The following TIAM1 variants were observed in gnomAD, a reference collection of about 807,000 sequenced individuals.
The protein encoded by TIAM1 is TIAM Rac1 associated GEF 1, also known as rho guanine nucleotide exchange factor TIAM1.
Under a neutral mutation model 163.5 loss-of-function variants are expected in TIAM1, and 65 were observed. The ratio of observed to expected loss-of-function variants is 0.40; its 90% CI spans 0.33 to 0.49. TIAM1 has a LOEUF of 0.49. TIAM1 is among the 20% of genes least tolerant of loss of function. TIAM1 has a pLI of 0.77. For synonymous variants in TIAM1, 833 were observed against 810.1 expected (o/e 1.03, Z -0.48); for missense variants, 1,789 against 2,044.7 (o/e 0.87, Z 2.41).
chr21:31,193,107 A>G lies in TIAM1; in HGVS notation c.2575+2117T>C, dbSNP rs567779259. ...AAGCCATACAGTGTAATGCTAAGTA[A>G]AGAAGACTGGTCTTAAACATATGGA... is the stretch of plus-strand genomic sequence containing the variant. On this transcript the variant is annotated intron_variant, in intron 13 of 27. Coordinates refer to ENST00000541036, the MANE Select transcript of TIAM1 (RefSeq NM_001353694.2). 3.9e-5 allele frequency among the ~76,000 whole-genome samples: 6 copies of G among 152,348 alleles called. No homozygotes were observed. In the South Asian group the frequency reaches 1.2e-3, roughly 32 times the overall value.
At chr21:31,242,766 T>C (rs1601675926) in intron 6 of TIAM1, among the ~76,000 whole-genome samples, 1 of 150,630 alleles carries the variant, frequency 6.6e-6, no homozygotes, top group Non-Finnish European at 1.5e-5. Context: ...TCTATTGACA[T>C]TCTAGTAGTC....
chr21:31,397,148 T>C (rs117547138), intron 2 of TIAM1, among the ~76,000 whole-genome samples: 2,154 of 152,216 alleles, frequency 0.014, 22 homozygotes, highest in Non-Finnish European at 0.021. Context: ...AGATGTAACA[T>C]CAAAGAGGTA....
At chr21:31,452,783 C>G (rs1233096171) in intron 2 of TIAM1, 8 of 526,960 alleles carry the variant, frequency 1.5e-5, no homozygotes, top group East Asian at 5.5e-5. Flanking sequence ...CTGAGGAAGA[C>G]AGCAATCATG....
At chr21:31,511,309 T>C (rs762085402) in intron 1 of TIAM1, among the ~76,000 whole-genome samples, 2 of 152,210 alleles carry the variant, frequency 1.3e-5, no homozygotes, top group African/African-American at 4.8e-5. Flanking sequence ...TAGCCATACA[T>C]AGAAAGCCTC....
chr21:31,297,842 G>A lies in TIAM1; in HGVS notation c.-188-20934C>T, dbSNP rs1283906167. 6.6e-5 allele frequency among the ~76,000 whole-genome samples: 10 copies of A among 152,252 alleles called. No homozygotes were observed. The East Asian group carries it at 1.7e-3, about 27-fold the overall frequency. On this transcript the variant is annotated intron_variant, in intron 2 of 27. Transcript: ENST00000541036. Reference sequence around the variant, plus strand: ...CTCAGAGGGCTATGAAGAGGGAGGGGTGCAACTTAATGAAATTCTTTATGA... The same window carrying A: ...CTCAGAGGGCTATGAAGAGGGAGGGATGCAACTTAATGAAATTCTTTATGA...
rs146755739 is a variant in TIAM1 at position 31,395,722 on chromosome 21, C to G, written c.-368-56300G>C. On this transcript the variant is annotated intron_variant, in intron 2 of 28. Transcript: ENST00000286827. The surrounding 1 kb of genome is among the most constrained non-coding windows in gnomAD (Gnocchi z 7.5). Reference sequence around the variant, plus strand: ...GGAGGGGGCGCATGCGTTCCCCTGGCTGTCGCGTGAAAATTTTTGCTTTAT... The same window carrying G: ...GGAGGGGGCGCATGCGTTCCCCTGGGTGTCGCGTGAAAATTTTTGCTTTAT... Among the ~76,000 whole-genome samples the G allele has an allele frequency of 1.4e-4, 21 of 152,216 alleles. No homozygotes were observed. The highest frequency in any genetic ancestry group is 5.1e-4 in the African/African-American group (21 of 41,550).
intron 15 of TIAM1, among the ~76,000 whole-genome samples, chr21:31,168,546 G>A (rs2284474): frequency 0.56 from 85,437 of 152,004 alleles, 27,648 homozygotes; most frequent in Non-Finnish European, 0.74. Flanking sequence ...TACTACAGGC[G>A]CCTGCCACCA....
chr21:31,186,694 T>C (rs185110008), intron 14 of TIAM1, among the ~76,000 whole-genome samples: 1 of 152,076 alleles, frequency 6.6e-6, no homozygotes, highest in East Asian at 1.9e-4. Flanking sequence ...GGTGAGAGGG[T>C]GGCTTGAGCC....
chr21:31,243,192 C>CAAAAAAAAA (rs60242603), intron 6 of TIAM1, among the ~76,000 whole-genome samples: 2 of 100,954 alleles, frequency 2.0e-5, no homozygotes, highest in African/African-American at 7.4e-5. Context: ...AACTTCATCT[C>CAAAAAAAAA]AAAAAAAAAA....
chr21:31,263,165 C>T (rs952147032), intron 4 of TIAM1, among the ~76,000 whole-genome samples: 5 of 151,884 alleles, frequency 3.3e-5, no homozygotes, highest in African/African-American at 9.7e-5. Context: ...AAAGTCAATA[C>T]AAAAATAATA....
intron 2 of TIAM1, chr21:31,452,763 GA>G: frequency 2.0e-6 from 1 of 508,576 alleles, no homozygotes. Flanking sequence ...AGTAGAAGAT[GA>G]AGAGGACTCT....
At chr21:31,365,392 T>C (rs1005291728) in intron 2 of TIAM1, among the ~76,000 whole-genome samples, 4 of 148,150 alleles carry the variant, frequency 2.7e-5, no homozygotes, top group Admixed American at 2.7e-4. Context: ...TCTTTCTTTT[T>C]TTTTTTTTTT....
chr21:31,399,956 G>A (rs545994439), intron 2 of TIAM1, among the ~76,000 whole-genome samples: 2 of 151,998 alleles, frequency 1.3e-5, no homozygotes, highest in Admixed American at 6.6e-5. Flanking sequence ...TCCTGATAGC[G>A]TATGGGCACA....
At chr21:31,214,438 C>CCTAT (rs1168961626) in intron 9 of TIAM1, among the ~76,000 whole-genome samples, 2 of 152,106 alleles carry the variant, frequency 1.3e-5, no homozygotes, top group Admixed American at 6.6e-5. Flanking sequence ...AAGCATTTCT[C>CCTAT]CTATAGCCTC....
chr21:31,459,473 G>C (rs1191814657), intron 2 of TIAM1, among the ~76,000 whole-genome samples: 1 of 152,106 alleles, frequency 6.6e-6, no homozygotes, highest in Non-Finnish European at 1.5e-5. Context: ...CCCAAAAAGA[G>C]AAATATCTGC....
intron 2 of TIAM1, among the ~76,000 whole-genome samples, chr21:31,439,413 C>A (rs2044339168): frequency 6.6e-6 from 1 of 152,190 alleles, no homozygotes; most frequent in Non-Finnish European, 1.5e-5. Flanking sequence ...CCTCAGCCTC[C>A]CGGGTAGCTG....
intron 2 of TIAM1, among the ~76,000 whole-genome samples, chr21:31,283,496 T>C (rs2073660653): frequency 6.6e-6 from 1 of 152,116 alleles, no homozygotes; most frequent in South Asian, 2.1e-4. Flanking sequence ...CCAAGCAGCA[T>C]CTCTTTTCCC....
At chr21:31,219,024 CTTTT>C (rs35555743) in intron 8 of TIAM1, among the ~76,000 whole-genome samples, 91 of 88,526 alleles carry the variant, frequency 1.0e-3, no homozygotes, top group African/African-American at 3.0e-3. Context: ...GAAGCATTTC[CTTTT>C]TTTTTTTTTT....
intron 20 of TIAM1, among the ~76,000 whole-genome samples, chr21:31,145,101 GA>G (rs1424460040): frequency 1.3e-5 from 2 of 151,954 alleles, no homozygotes; most frequent in Non-Finnish European, 2.9e-5. Flanking sequence ...GGTTTTAAAA[GA>G]AACACACTGC....
Sources: gnomAD v4.1 joint callset for allele counts (sites outside exome capture counted in the v4.1 genomes callset) on GRCh38, gnomAD v4.1.1 for gene constraint, Gnocchi (gnomAD v3.1) non-coding constraint, MANE v1.5 for transcripts, NCBI Gene and HGNC (gene_info 2026-07-23, HGNC 2026-07-21) for gene names.